Variants in SPDL1 observed in about 807,000 individuals in gnomAD.
SPDL1 encodes the protein spindle apparatus coiled-coil protein 1.
SPDL1 carries 85 observed loss-of-function variants against 79.5 expected under a neutral mutation model. The observed-to-expected ratio is 1.07, with a 90% CI of 0.90 to 1.28. The LOEUF (loss-of-function observed/expected upper bound fraction) is 1.28. Ranked by LOEUF, SPDL1 falls within the 50% of genes most tolerant of loss-of-function variation. The pLI is 0.00. For missense variants in SPDL1, 703 were observed against 697.8 expected (o/e 1.01, Z -0.08); for synonymous variants, 269 against 240.3 (o/e 1.12, Z -1.10).
intron 11 of SPDL1, among the ~76,000 whole-genome samples, chr5:169,602,513 C>T (rs1207476002): frequency 6.6e-6 from 1 of 152,170 alleles, no homozygotes; most frequent in East Asian, 1.9e-4. Flanking sequence ...CTAGGGCTAC[C>T]TTAGTCTTAG....
At position 169,604,061 on chromosome 5, in the gene SPDL1, T is replaced by C. The variant is rs766154653; in HGVS notation, c.1672T>C (p.Leu558=). 1.9e-6 allele frequency: 3 copies of C among 1,608,438 alleles called. No individual in the cohort carries two copies. The highest frequency in any genetic ancestry group is 1.7e-6 in the Non-Finnish European group (2 of 1,177,906). Residue 558 remains leucine (L), a splice_region_variant and synonymous_variant, in exon 12 of 12, where the codon TTA becomes CTA. Transcript: ENST00000265295. ...GAGTGGATGCTTTAATGCCTGTAGG[T>C]TAGCTGCTGAATCAAAGCTTCAAAC... ...RSGNTPNSPR[L]AAESKLQTEV... is the part of the protein sequence containing the mutation.
rs1321707036 is a variant in SPDL1, at chr5:169,593,399, A to G, written c.382A>G (p.Lys128Glu). The change falls in exon 4 of 12, where the codon AAG becomes GAG. Residue 128 changes from lysine (K) to glutamate (E), a missense_variant. Lys to Glu is a moderately conservative substitution (Grantham distance 56). Transcript: ENST00000265295. ...VELDEARLSE[K>E]QLKHQVDHQK... ...ATTAGATGAAGCCAGGCTTAGTGAA[A>G]AGCAGCTGAAGCACCAAGTAGATCA... The G allele has an allele frequency of 6.2e-7, 1 of 1,612,474 alleles. No individual in the cohort carries two copies. Among genetic ancestry groups the G allele is most frequent in the Non-Finnish European group, 8.5e-7 (1 of 1,179,542 alleles).
In SPDL1 at chr5:169,598,521, A is replaced by G; in HGVS notation, c.1078A>G (p.Thr360Ala). ...MESKPSVDSGTLEDNTYYTDL... is the reference protein window; with the variant it reads ...MESKPSVDSGALEDNTYYTDL... ...ATCTAAGCCTTCAGTCGACTCTGGT[A>G]CTCTGGAAGATAACACCTATTATAC... Residue 360 changes from threonine (T) to alanine (A), a missense_variant, in exon 9 of 12, where the codon ACT becomes GCT. Transcript: ENST00000265295. 6.2e-7 allele frequency: 1 copy of G among 1,613,390 alleles called. No individual in the cohort carries two copies. The highest frequency in any genetic ancestry group is 1.1e-5 in the South Asian group (1 of 91,058).
chr5:169,599,172 C>A lies in SPDL1; in HGVS notation c.1324+13C>A. On this transcript the variant is annotated intron_variant, in intron 10 of 11. Coordinates refer to ENST00000265295, the MANE Select transcript of SPDL1 (RefSeq NM_017785.5). ...TATGAACCTGAAGGTATATATGTCT[C>A]ATATATTTTTGTCTTTTAAATTATG... 1 of 1,384,066 alleles carries A rather than the reference C, an allele frequency of 7.2e-7. No individual in the cohort carries two copies. The highest frequency in any genetic ancestry group is 1.5e-5 in the South Asian group (1 of 64,554). 85.7% of individuals were successfully genotyped at this position (1,384,066 alleles called of 1,614,324 possible). A position where few individuals can be genotyped will look rare whatever the true frequency, so the allele number is the denominator to read the frequency against.
chr5:169,599,476 G>T (rs1354606230), intron 10 of SPDL1, among the ~76,000 whole-genome samples: 2 of 152,132 alleles, frequency 1.3e-5, no homozygotes, highest in African/African-American at 4.8e-5. Context: ...GTTTAATTAT[G>T]TTGAAGCAGC....
In SPDL1 at chr5:169,604,607, G is replaced by A. The variant is rs1373745579; in HGVS notation, c.*400G>A. The stretch of plus-strand genomic sequence containing the variant: ...AGTTTTAGACTATGTTGTAAAAATG[G>A]GAAGGTTGTAAACTATGTTGTAAAA... On this transcript the variant is annotated 3_prime_UTR_variant, in exon 12 of 12. Transcript: ENST00000265295. 1 of 152,390 alleles carries A rather than the reference G, an allele frequency of 6.6e-6. No homozygotes were observed. Among genetic ancestry groups the A allele is most frequent in the African/African-American group, 2.4e-5 (1 of 41,420 alleles). The allele number at this position is 152,390 out of a possible 1,614,324, so 9.4% of individuals were successfully genotyped here. A position where few individuals can be genotyped will look rare whatever the true frequency, so the allele number is the denominator to read the frequency against.
chr5:169,598,923 A>G (rs1755736254), intron 9 of SPDL1, 49 bp from the exon 10 acceptor site: 13 of 1,496,162 alleles, frequency 8.7e-6, no homozygotes, highest in Non-Finnish European at 9.8e-6. Flanking sequence ...CACTACACTT[A>G]TTATATGCTG....
intron 2 of SPDL1, 138 bp from the exon 3 acceptor site, chr5:169,590,910 A>G: frequency 2.5e-6 from 2 of 790,082 alleles, no homozygotes; most frequent in Non-Finnish European, 4.2e-6. Context: ...AAGTTATTCC[A>G]GGTTTAACAT....
rs1755245194 is a variant in SPDL1, at chr5:169,590,983, C to T, written c.160-65C>T. ...AGAATGAAACAATTGAAGTTGAAAA[C>T]TGATTGTATGTAATGGCTTTAGGCT... On this transcript the variant is annotated intron_variant, in intron 2 of 11. Transcript: ENST00000265295. The T allele has an allele frequency of 2.3e-6, 3 of 1,325,062 alleles. No individual in the cohort carries two copies. The South Asian group carries it at 3.8e-5, about 17-fold the overall frequency. 82.1% of individuals were successfully genotyped at this position (1,325,062 alleles called of 1,614,324 possible).
Position 169,594,667 on chromosome 5 carries a change from A to C in SPDL1, c.877A>C (p.Met293Leu). 1 of 1,611,350 alleles carries C rather than the reference A, an allele frequency of 6.2e-7. No individual in the cohort carries two copies. Among genetic ancestry groups the C allele is most frequent in the Non-Finnish European group, 8.5e-7 (1 of 1,177,606 alleles). ...KKQNVFNREQMQRMKLQIATL... is the reference protein window; with the variant it reads ...KKQNVFNREQLQRMKLQIATL... Reference sequence around the variant, plus strand: ...GCAAAATGTATTTAACAGAGAACAGATGCAGAGAATGAAGGTATAGAACTT... The same window carrying C: ...GCAAAATGTATTTAACAGAGAACAGCTGCAGAGAATGAAGGTATAGAACTT... Residue 293 changes from methionine to leucine, a missense_variant, in exon 7 of 12, where the codon ATG becomes CTG. Coordinates refer to ENST00000265295, the MANE Select transcript of SPDL1 (RefSeq NM_017785.5).
At chr5:169,601,696 G>T in intron 11 of SPDL1, 71 bp downstream of exon 11, 1 of 1,327,146 alleles carries the variant, frequency 7.5e-7, no homozygotes, top group Non-Finnish European at 1.1e-6. Context: ...CATGAACTGT[G>T]CTGTCTGTTT....
intron 2 of SPDL1, 65 bp downstream of exon 2, chr5:169,588,640 C>T (rs1755113258): frequency 7.1e-7 from 1 of 1,400,494 alleles, no homozygotes; most frequent in Non-Finnish European, 9.7e-7. Flanking sequence ...TCCTGTTTAG[C>T]AATTAATAGT....
chr5:169,584,362 C>T (rs995645597), intron 1 of SPDL1, among the ~76,000 whole-genome samples: 2 of 152,080 alleles, frequency 1.3e-5, no homozygotes, highest in East Asian at 1.9e-4. Flanking sequence ...ATCATGATGG[C>T]TCCTAGAACA....
At position 169,593,561 on chromosome 5, in the gene SPDL1, G is replaced by A. The variant is rs373074326; in HGVS notation, c.531+13G>A. ...GGAGAGTATGAAGGTAATTTTTATG[G>A]CATGTGTTTCTCAGGGTTTTCTCTT... On this transcript the variant is annotated intron_variant, in intron 4 of 11. Coordinates refer to ENST00000265295, the MANE Select transcript of SPDL1 (RefSeq NM_017785.5). 16 of 1,547,208 alleles carry A rather than the reference G, an allele frequency of 1.0e-5. No homozygotes were observed. The highest frequency in any genetic ancestry group is 9.8e-5 in the African/African-American group (7 of 71,744).
chr5:169,604,388 C>A lies in SPDL1; in HGVS notation c.*181C>A. ...TGCTTGACTCTAACCTGGAGAGCTT[C>A]TTAAGTGATGCCCCTTCATGGAGCT... On this transcript the variant is annotated 3_prime_UTR_variant, in exon 12 of 12. Coordinates refer to ENST00000265295, the MANE Select transcript of SPDL1 (RefSeq NM_017785.5). The A allele has an allele frequency of 2.3e-6, 1 of 432,694 alleles. No homozygotes were observed. Among genetic ancestry groups the A allele is most frequent in the Non-Finnish European group, 4.0e-6 (1 of 250,990 alleles). 26.8% of individuals were successfully genotyped at this position (432,694 alleles called of 1,614,324 possible).
chr5:169,603,988 A>ATACTGGGGGTTTGT, intron 11 of SPDL1, 72 bp from the exon 12 acceptor site: 2 of 1,510,342 alleles, frequency 1.3e-6, no homozygotes, highest in Non-Finnish European at 1.8e-6. Context: ...GAGGCCCATT[A>ATACTGGGGGTTTGT]TACTGGGGGT....
chr5:169,598,478 T>C lies in SPDL1; in HGVS notation c.1035T>C (p.Asn345=). ...GEIRNLEKFK[N]LYDSMESKPS... is the part of the protein sequence containing the mutation. ...ATACAAACTTTTGCTTTTTTAAGAATTTATATGACAGTATGGAATCTAAGC... is the reference window on the plus strand; with the variant it reads ...ATACAAACTTTTGCTTTTTTAAGAACTTATATGACAGTATGGAATCTAAGC... The change falls in exon 9 of 12, where the codon AAT becomes AAC. Residue 345 remains asparagine, a splice_region_variant and synonymous_variant. Transcript: ENST00000265295. The C allele has an allele frequency of 6.2e-7, 1 of 1,606,810 alleles. No homozygotes were observed. Among genetic ancestry groups the C allele is most frequent in the Non-Finnish European group, 8.5e-7 (1 of 1,174,384 alleles).
rs773161017 is a variant in SPDL1, at chr5:169,593,311, G to T, written c.337-43G>T. The T allele has an allele frequency of 2.7e-6, 4 of 1,503,410 alleles. No homozygotes were observed. In the Admixed American group the frequency reaches 6.5e-5, roughly 24 times the overall value. The allele number at this position is 1,503,410 out of a possible 1,614,324, so 93.1% of individuals were successfully genotyped here. ...TTCAATCAGTGATTGTTTTTAGAAA[G>T]AAAATAACTTTCAATTTATGACTTT... On this transcript the variant is annotated intron_variant, in intron 3 of 11. Transcript: ENST00000265295.
chr5:169,596,338 A>G lies in SPDL1; in HGVS notation c.892-223A>G, dbSNP rs528211745. Among the ~76,000 whole-genome samples the G allele has an allele frequency of 2.6e-5, 4 of 152,316 alleles. No individual in the cohort carries two copies. In the South Asian group the frequency reaches 6.2e-4, roughly 24 times the overall value. On this transcript the variant is annotated intron_variant, in intron 7 of 11. Transcript: ENST00000265295. ...CAGTTTTATGTTTCACAAAAGTACA[A>G]ATAATTACATTACAGACTTCAGTTA...
Sources: allele counts gnomAD v4.1 joint callset (sites outside exome capture counted in the v4.1 genomes callset), GRCh38; gene constraint gnomAD v4.1.1; transcripts MANE v1.5; gene names NCBI Gene and HGNC (gene_info 2026-07-23, HGNC 2026-07-21).